The following DPY19L2 variants were observed in gnomAD, a reference collection of about 807,000 sequenced individuals.
DPY19L2 encodes the protein dpy-19 like 2.
Under a neutral mutation model 97.9 loss-of-function variants are expected in DPY19L2, and 34 were observed. The ratio of observed to expected loss-of-function variants is 0.35; its 90% confidence interval spans 0.26 to 0.46. The LOEUF is 0.46. Among genes scored for constraint, DPY19L2 ranks in the 20% least tolerant of loss-of-function variants. DPY19L2 has a pLI of 1.00. For missense variants in DPY19L2, 623 were observed against 911.4 expected, an observed-to-expected ratio of 0.68 and a Z score of 4.07; for synonymous variants, 230 against 307.9, an observed-to-expected ratio of 0.75 and a Z score of 2.65.
chr12:63,661,993 A>G (rs143149691), intron 3 of DPY19L2, among the ~76,000 whole-genome samples: 5,087 of 152,282 alleles, frequency 0.033, 140 homozygotes, highest in African/African-American at 0.071. Flanking sequence ...GCTCCATCTA[A>G]TCCTCTGTGC....
At chr12:63,642,804 C>T (rs1412951895) in intron 6 of DPY19L2, among the ~76,000 whole-genome samples, 1 of 151,860 alleles carries the variant, frequency 6.6e-6, no homozygotes, top group African/African-American at 2.4e-5. Flanking sequence ...TTTAAATCAG[C>T]TCATCAAAGT....
At chr12:63,589,139 T>C (rs373607532) in intron 16 of DPY19L2, among the ~76,000 whole-genome samples, 5 of 152,078 alleles carry the variant, frequency 3.3e-5, no homozygotes, top group Non-Finnish European at 5.9e-5. Flanking sequence ...TTCTTCACTT[T>C]AGAGTCAGAA....
intron 6 of DPY19L2, among the ~76,000 whole-genome samples, chr12:63,638,433 T>A (rs1892123467): frequency 6.6e-6 from 1 of 152,148 alleles, no homozygotes; most frequent in Non-Finnish European, 1.5e-5. Context: ...TGTTTGCAGA[T>A]GACATGATTG....
chr12:63,607,605 C>G (rs1253413568), intron 12 of DPY19L2, among the ~76,000 whole-genome samples: 1 of 152,172 alleles, frequency 6.6e-6, no homozygotes, highest in Non-Finnish European at 1.5e-5. Context: ...AACCTACCTC[C>G]TCAACTTGTA....
intron 20 of DPY19L2, among the ~76,000 whole-genome samples, chr12:63,569,850 T>C (rs1256470103): frequency 1.2e-4 from 18 of 152,116 alleles, no homozygotes; most frequent in Admixed American, 1.1e-3. Context: ...GAAATGGGGA[T>C]GGTCACCAAA....
intron 6 of DPY19L2, among the ~76,000 whole-genome samples, chr12:63,631,649 G>T (rs1278393285): frequency 6.6e-6 from 1 of 152,090 alleles, no homozygotes; most frequent in Non-Finnish European, 1.5e-5. Context: ...GAAGGAGCTG[G>T]TACCATTCCT....
In DPY19L2 at chr12:63,668,227, G is replaced by A. The variant is rs1896562532; in HGVS notation, c.167C>T (p.Pro56Leu). Residue 56 changes from proline to leucine, a missense_variant, in exon 1 of 22, where the codon CCG becomes CTG. By Grantham distance (98) the Pro-to-Leu change is moderately conservative. Coordinates refer to ENST00000324472, the MANE Select transcript of DPY19L2 (RefSeq NM_173812.5). ...CTCTTTCAGACTTTGGATCCTCCCC[G>A]GGGAGGACCTCCAGGAGCCCCTTGG... is the stretch of plus-strand genomic sequence containing the variant. ...KLPRGSWRSS[P>L]GRIQSLKERK... 2 of 1,613,826 alleles carry A rather than the reference G, an allele frequency of 1.2e-6. No homozygotes were observed. The highest frequency in any genetic ancestry group is 1.3e-5 in the African/African-American group (1 of 74,970).
intron 12 of DPY19L2, among the ~76,000 whole-genome samples, chr12:63,604,021 A>G (rs2137602944): frequency 6.6e-6 from 1 of 152,330 alleles, no homozygotes; most frequent in East Asian, 1.9e-4. Context: ...CTTACAAAAG[A>G]ACTTCAATTA....
At chr12:63,648,547 C>G (rs567116844) in intron 4 of DPY19L2, among the ~76,000 whole-genome samples, 1 of 152,040 alleles carries the variant, frequency 6.6e-6, no homozygotes, top group East Asian at 1.9e-4. Context: ...CCTGCCTCAG[C>G]CTCCCAAGTA....
chr12:63,586,064 A>G (rs1296687160), intron 16 of DPY19L2, among the ~76,000 whole-genome samples: 1 of 152,166 alleles, frequency 6.6e-6, no homozygotes, highest in Non-Finnish European at 1.5e-5. Flanking sequence ...AAATTCAAAA[A>G]AGAGAGGCTA....
intron 8 of DPY19L2, chr12:63,623,709 T>A (rs1221003739): frequency 8.9e-6 from 2 of 224,016 alleles, no homozygotes; most frequent in African/African-American, 4.5e-5. Flanking sequence ...GTAATATATA[T>A]ATTTACATTT....
intron 4 of DPY19L2, among the ~76,000 whole-genome samples, chr12:63,656,446 T>C (rs921289544): frequency 7.9e-5 from 12 of 152,206 alleles, no homozygotes; most frequent in African/African-American, 2.9e-4. Flanking sequence ...AGATAGTCTC[T>C]GTCTCATACT....
At chr12:63,583,551 G>A (rs1418555558) in intron 17 of DPY19L2, among the ~76,000 whole-genome samples, 2 of 152,184 alleles carry the variant, frequency 1.3e-5, no homozygotes, top group East Asian at 3.8e-4. Context: ...GCTAGAAACT[G>A]AATGCTTGTT....
intron 13 of DPY19L2, 138 bp downstream of exon 13, chr12:63,600,167 TC>T: frequency 1.7e-6 from 1 of 590,414 alleles, no homozygotes; most frequent in Admixed American, 3.1e-5. Flanking sequence ...TATTATTGAC[TC>T]TGCCAATAAC....
rs574438815 is a variant in DPY19L2, at chr12:63,659,789, T to C, written c.588+1555A>G. 3.3e-5 allele frequency among the ~76,000 whole-genome samples: 5 copies of C among 152,262 alleles called. No homozygotes were observed. The South Asian group carries it at 6.2e-4, about 19-fold the overall frequency. ...TTTGTAACTCAATTGTGGTGATGGA[T>C]ATATAGCTTCATACATTTGTCAAAA... On this transcript the variant is annotated intron_variant, in intron 4 of 21. Coordinates refer to ENST00000324472, the MANE Select transcript of DPY19L2 (RefSeq NM_173812.5).
chr12:63,635,569 A>G (rs1371048481), intron 6 of DPY19L2, among the ~76,000 whole-genome samples: 1 of 152,186 alleles, frequency 6.6e-6, no homozygotes, highest in Non-Finnish European at 1.5e-5. Context: ...TAAGTAGAAT[A>G]AACAGTGTAG....
Position 63,612,847 on chromosome 12 carries a change from A to G in DPY19L2, c.1219-4172T>C, listed in dbSNP as rs552475441. On this transcript the variant is annotated intron_variant, in intron 11 of 21. Coordinates refer to ENST00000324472, the MANE Select transcript of DPY19L2 (RefSeq NM_173812.5). ...CAGGAATGAAAGAGGAACTATCACT[A>G]CAGATACTATAGATACATAAAAGAA... Among the ~76,000 whole-genome samples, 4 of 152,164 alleles carry G rather than the reference A, an allele frequency of 2.6e-5. No individual in the cohort carries two copies. The South Asian group carries it at 6.2e-4, about 24-fold the overall frequency.
At chr12:63,633,936 C>T (rs958235902) in intron 6 of DPY19L2, among the ~76,000 whole-genome samples, 3 of 152,046 alleles carry the variant, frequency 2.0e-5, no homozygotes, top group Non-Finnish European at 4.4e-5. Flanking sequence ...AGCTGGAAAC[C>T]ATCATTCTCA....
chr12:63,647,208 A>T (rs751254014), intron 5 of DPY19L2, 37 bp downstream of exon 5: 9 of 1,366,668 alleles, frequency 6.6e-6, no homozygotes, highest in Non-Finnish European at 7.9e-6. Flanking sequence ...ATGTTTATGA[A>T]TGTTTACAAA....
Sources: gnomAD v4.1 joint callset for allele counts (sites outside exome capture counted in the v4.1 genomes callset) on GRCh38, gnomAD v4.1.1 for gene constraint, MANE v1.5 for transcripts, NCBI Gene and HGNC (gene_info 2026-07-23, HGNC 2026-07-21) for gene names.